SPATA13: variants seen among roughly 807,000 people sequenced by gnomAD.
SPATA13 encodes spermatogenesis-associated protein 13.
A neutral mutation model predicts 104.0 loss-of-function variants in SPATA13; 50 were observed. The ratio of observed to expected loss-of-function variants is 0.48; its 90% CI spans 0.38 to 0.61. The LOEUF (loss-of-function observed/expected upper bound fraction) is 0.61. Ranked by LOEUF, SPATA13 falls within the 20% of genes least tolerant of loss-of-function variation. The pLI is 0.00. For missense variants in SPATA13, 1,524 were observed against 1,690.6 expected (o/e 0.90, Z 1.73); for synonymous variants, 606 against 667.5 (o/e 0.91, Z 1.42).
At chr13:24,301,565 G>A (rs1261353338) in intron 12 of SPATA13, among the ~76,000 whole-genome samples, 6 of 152,202 alleles carry the variant, frequency 3.9e-5, no homozygotes, top group African/African-American at 7.2e-5. Context: ...TCTCAAGAAC[G>A]GAAGGACTGC....
chr13:23,999,371 A>T (rs923852449), intron 2 of SPATA13, among the ~76,000 whole-genome samples: 3 of 82,230 alleles, frequency 3.6e-5, no homozygotes, highest in African/African-American at 1.4e-4. Flanking sequence ...TTTCTACCAA[A>T]AAAAAAAAAA....
chr13:24,199,709 C>T (rs552300850), intron 1 of SPATA13, among the ~76,000 whole-genome samples: 4 of 152,168 alleles, frequency 2.6e-5, no homozygotes, highest in African/African-American at 9.7e-5. Context: ...CCTAGACCTG[C>T]GGCAATGTAT....
intron 3 of SPATA13, among the ~76,000 whole-genome samples, chr13:24,090,336 C>T (rs193098592): frequency 1.2e-3 from 189 of 152,238 alleles, no homozygotes; most frequent in Admixed American, 2.7e-3. Flanking sequence ...TTTCATAGCT[C>T]CAGCCCATCC....
chr13:24,265,818 C>A (rs1029655653), intron 4 of SPATA13, among the ~76,000 whole-genome samples: 1 of 152,050 alleles, frequency 6.6e-6, no homozygotes, highest in East Asian at 1.9e-4. Context: ...ACATAAAGTT[C>A]CAAGGATGTT....
Position 24,200,155 on chromosome 13 carries a change from A to C in SPATA13, c.-111-22664A>C, listed in dbSNP as rs139580030. On this transcript the variant is annotated intron_variant, in intron 1 of 12. Transcript: ENST00000382108. ...CTTAATTTAACCCAACTACAGTTTG[A>C]TGAATACTATTGTTATTCTGCCTTT... Among the ~76,000 whole-genome samples the C allele has an allele frequency of 1.3e-3, 200 of 152,298 alleles. 1 individual carries two copies. The highest frequency in any genetic ancestry group is 4.7e-3 in the African/African-American group (195 of 41,560).
At chr13:24,044,892 T>TA (rs1878074561) in intron 3 of SPATA13, among the ~76,000 whole-genome samples, 4 of 9,294 alleles carry the variant, frequency 4.3e-4, no homozygotes, top group Admixed American at 8.5e-4. Context: ...GAGGAGGGGG[T>TA]GGGGGTGGGG....
Position 24,024,933 on chromosome 13 carries a change from CAT to C in SPATA13, c.-112+7242_-112+7243del, listed in dbSNP as rs1191488102. Among the ~76,000 whole-genome samples the C allele has an allele frequency of 1.2e-3, 170 of 147,254 alleles. 3 individuals are homozygous for C. The highest frequency in any genetic ancestry group is 3.7e-3 in the African/African-American group (151 of 40,362). On this transcript the variant is annotated intron_variant, in intron 3 of 14. Coordinates refer to the SPATA13 transcript ENST00000424834. ...TTTTAATTTTAAAAACATTCAAATT[CAT>C]ATATATATAAATATATATATAAATA...
Position 24,251,742 on chromosome 13 carries a change from G to A in SPATA13, c.2044G>A (p.Ala682Thr). The change falls in exon 4 of 13, where the codon GCT (alanine) becomes ACT (threonine). Residue 682 changes from alanine to threonine, a missense_variant. Ala to Thr is a moderately conservative substitution (Grantham distance 58, BLOSUM62 0). Transcript: ENST00000382108. ...GCCGGCTTCCAGGCCGCCCATGCCT[G>A]CTCACCAGGTGCCACCCTACAAGGC... ...TQPASRPPMP[A>T]HQVPPYKAVS... The A allele has an allele frequency of 6.2e-7, 1 of 1,614,100 alleles. No individual in the cohort carries two copies. Among genetic ancestry groups the A allele is most frequent in the South Asian group, 1.1e-5 (1 of 91,072 alleles).
At chr13:24,247,595 G>A (rs762731616) in intron 2 of SPATA13, among the ~76,000 whole-genome samples, 68 of 147,096 alleles carry the variant, frequency 4.6e-4, no homozygotes, top group African/African-American at 6.0e-4. Flanking sequence ...CTCTCCTGCC[G>A]CCTCAGCCCC....
chr13:24,039,443 G>A (rs776444525), intron 3 of SPATA13, among the ~76,000 whole-genome samples: 2 of 152,210 alleles, frequency 1.3e-5, no homozygotes, highest in African/African-American at 2.4e-5. Flanking sequence ...CTTCTCACAA[G>A]TTTAATCTTT....
At chr13:24,031,957 C>G (rs1020576229) in intron 3 of SPATA13, among the ~76,000 whole-genome samples, 3 of 152,176 alleles carry the variant, frequency 2.0e-5, no homozygotes, top group Non-Finnish European at 4.4e-5. Context: ...CCTCTGTGTT[C>G]TAAGTTCTGA....
chr13:24,044,885 G>A (rs1209719110), intron 3 of SPATA13, among the ~76,000 whole-genome samples: 1 of 148,524 alleles, frequency 6.7e-6, no homozygotes, highest in African/African-American at 2.5e-5. Flanking sequence ...GTTTCCAGAG[G>A]AGGGGGTGGG....
At chr13:24,105,946 C>A (rs1054160878) in intron 3 of SPATA13, among the ~76,000 whole-genome samples, 2 of 152,240 alleles carry the variant, frequency 1.3e-5, no homozygotes, top group Non-Finnish European at 1.5e-5. Context: ...AGCCTGCTGA[C>A]ACCTTAATCT....
chr13:24,207,967 A>G (rs1456341223), intron 1 of SPATA13, among the ~76,000 whole-genome samples: 6 of 152,216 alleles, frequency 3.9e-5, no homozygotes, highest in Non-Finnish European at 8.8e-5. Flanking sequence ...TATCTGGCGT[A>G]TAGACATTCT....
intron 4 of SPATA13, among the ~76,000 whole-genome samples, chr13:24,282,386 G>C (rs1357154301): frequency 6.6e-6 from 1 of 152,224 alleles, no homozygotes; most frequent in Non-Finnish European, 1.5e-5. Flanking sequence ...CAAGCCCATG[G>C]AGCACCATCC....
At position 24,080,085 on chromosome 13, in the gene SPATA13, A is replaced by C. The variant is rs148903864; in HGVS notation, c.-112+62384A>C. Among the ~76,000 whole-genome samples the C allele has an allele frequency of 3.2e-3, 489 of 152,384 alleles. 2 individuals are homozygous for C. Among genetic ancestry groups the C allele is most frequent in the Middle Eastern group, 0.01 (3 of 294 alleles). ...ACATCACCCAGCTGGAGAAGTGAGA[A>C]AGTGAACTGTGAATTATGAAGAAAT... On this transcript the variant is annotated intron_variant, in intron 3 of 14. Coordinates refer to the SPATA13 transcript ENST00000424834.
At chr13:24,211,499 G>A (rs7320607) in intron 1 of SPATA13, among the ~76,000 whole-genome samples, 34,946 of 151,520 alleles carry the variant, frequency 0.23, 4,392 homozygotes, top group South Asian at 0.3. Flanking sequence ...TTCTGTATCT[G>A]TTGAGATAGT....
At chr13:23,997,623 G>A (rs1198015456) in intron 2 of SPATA13, among the ~76,000 whole-genome samples, 1 of 152,162 alleles carries the variant, frequency 6.6e-6, no homozygotes, top group East Asian at 1.9e-4. Context: ...GCTTCTGCAG[G>A]TTATACAGGA....
chr13:24,007,255 G>T (rs1055260758), intron 2 of SPATA13, among the ~76,000 whole-genome samples: 1 of 152,222 alleles, frequency 6.6e-6, no homozygotes, highest in African/African-American at 2.4e-5. Flanking sequence ...TTTAGGGCCA[G>T]CCTCTGGTCA....
Sources: gnomAD v4.1 joint callset for allele counts (sites outside exome capture counted in the v4.1 genomes callset) on GRCh38, gnomAD v4.1.1 for gene constraint, MANE v1.5 for transcripts, NCBI Gene and HGNC (gene_info 2026-07-23, HGNC 2026-07-21) for gene names.